SCARB2: variants seen among roughly 807,000 people sequenced by gnomAD.
The protein encoded by SCARB2 is lysosome membrane protein 2.
Under a neutral mutation model 58.6 loss-of-function variants are expected in SCARB2, and 29 were observed. That is an observed-to-expected ratio of 0.49 (90% CI 0.37 to 0.67). The LOEUF (loss-of-function observed/expected upper bound fraction) is 0.67, where lower values mean the gene tolerates loss of function less well. SCARB2 is among the 30% of genes least tolerant of loss of function. SCARB2 has a pLI of 0.00. For synonymous variants in SCARB2, 195 were observed against 210.1 expected (o/e 0.93, Z 0.62); for missense variants, 488 against 578.5 (o/e 0.84, Z 1.60).
intron 7 of SCARB2, among the ~76,000 whole-genome samples, chr4:76,171,975 T>G (rs35211143): frequency 0.027 from 4,083 of 149,254 alleles, 164 homozygotes; most frequent in African/African-American, 0.096. Flanking sequence ...TGAGTGTGTG[T>G]GCACACTTGC....
rs777931748 is a variant in SCARB2, at chr4:76,161,752, C to G, written c.1399-1G>C. Reference sequence around the variant, plus strand: ...GGGGTGCTCTTTCATCCGCTGTTCCCTGAAACACAGAAGAGAGAAAACAAG... The same window carrying G: ...GGGGTGCTCTTTCATCCGCTGTTCCGTGAAACACAGAAGAGAGAAAACAAG... On this transcript the variant is annotated splice_acceptor_variant, in intron 11 of 11. Transcript: ENST00000264896. LOFTEE classifies it high-confidence loss of function. The G allele has an allele frequency of 2.5e-6, 4 of 1,614,104 alleles. No homozygotes were observed. Among genetic ancestry groups the G allele is most frequent in the Non-Finnish European group, 3.4e-6 (4 of 1,180,020 alleles).
chr4:76,218,312 A>G (rs1418883934), upstream of SCARB2, among the ~76,000 whole-genome samples: 1 of 152,246 alleles, frequency 6.6e-6, no homozygotes, highest in Non-Finnish European at 1.5e-5. Context: ...CAGCCTCCAT[A>G]AGAAAAAATT....
chr4:76,172,401 G>A (rs1464197801), intron 7 of SCARB2, among the ~76,000 whole-genome samples: 1 of 151,932 alleles, frequency 6.6e-6, no homozygotes, highest in Non-Finnish European at 1.5e-5. Flanking sequence ...AACTATAGGT[G>A]TATGCTACTA....
chr4:76,222,227 C>CTT (rs1163710967), intron 1 of SCARB2, among the ~76,000 whole-genome samples: 8 of 143,982 alleles, frequency 5.6e-5, no homozygotes, highest in Non-Finnish European at 4.6e-5. Flanking sequence ...TTCCTATCTT[C>CTT]TTTTTTTTTT....
At chr4:76,187,681 C>T (rs1362394499) in intron 2 of SCARB2, among the ~76,000 whole-genome samples, 2 of 152,018 alleles carry the variant, frequency 1.3e-5, no homozygotes, top group East Asian at 3.9e-4. Flanking sequence ...GGAAAAATGG[C>T]CAAGAAGATA....
intron 4 of SCARB2, among the ~76,000 whole-genome samples, chr4:76,178,094 G>A (rs562392350): frequency 6.6e-6 from 1 of 152,278 alleles, no homozygotes; most frequent in East Asian, 1.9e-4. Flanking sequence ...AATTATACCA[G>A]AATAGCTACA....
chr4:76,210,026 A>G (rs1385452841), intron 1 of SCARB2, among the ~76,000 whole-genome samples: 1 of 152,224 alleles, frequency 6.6e-6, no homozygotes. Context: ...CTTAAAGGTC[A>G]TGGGATCTCA....
intron 1 of SCARB2, among the ~76,000 whole-genome samples, chr4:76,228,452 C>T (rs1163638654): frequency 1.3e-5 from 2 of 151,042 alleles, no homozygotes; most frequent in Non-Finnish European, 2.9e-5. Context: ...GCACTCCAGC[C>T]TGGGCGATGG....
chr4:76,220,728 T>C (rs540672253), intron 1 of SCARB2, among the ~76,000 whole-genome samples: 2 of 152,348 alleles, frequency 1.3e-5, no homozygotes, highest in Admixed American at 6.5e-5. Flanking sequence ...TCTTAGAATA[T>C]GATCTTTTTA....
At chr4:76,223,328 T>A (rs184445222) in intron 1 of SCARB2, among the ~76,000 whole-genome samples, 2 of 152,126 alleles carry the variant, frequency 1.3e-5, no homozygotes, top group Non-Finnish European at 2.9e-5. Flanking sequence ...TTCCAGTGAG[T>A]TTTGGGTAAT....
intron 1 of SCARB2, among the ~76,000 whole-genome samples, chr4:76,202,162 A>G (rs1008812944): frequency 3.0e-4 from 45 of 152,268 alleles, no homozygotes; most frequent in African/African-American, 9.9e-4. Context: ...AAAGTAGCAG[A>G]TAACATTACT....
chr4:76,200,663 A>G (rs1578736083), intron 1 of SCARB2, among the ~76,000 whole-genome samples: 1 of 152,326 alleles, frequency 6.6e-6, no homozygotes, highest in East Asian at 1.9e-4. Flanking sequence ...CAGCCTAACA[A>G]ACAGCTTATG....
chr4:76,221,781 G>A (rs890670208), intron 1 of SCARB2, among the ~76,000 whole-genome samples: 5 of 152,212 alleles, frequency 3.3e-5, no homozygotes, highest in Non-Finnish European at 7.3e-5. Context: ...GAGGAGTATA[G>A]GTTGAAAACC....
Position 76,167,478 on chromosome 4 carries a change from C to T in SCARB2, c.1187+925G>A, listed in dbSNP as rs1200598614. On this transcript the variant is annotated intron_variant, in intron 9 of 11. Coordinates refer to ENST00000264896, the MANE Select transcript of SCARB2 (RefSeq NM_005506.4). The stretch of plus-strand genomic sequence containing the variant: ...GGCACCTCCCCTCCTCTCTCTCTTG[C>T]TCCTGCTCACCCCATGTGACGTGCT... Among the ~76,000 whole-genome samples, 3 of 152,096 alleles carry T rather than the reference C, an allele frequency of 2.0e-5. No homozygotes were observed. The East Asian group carries it at 5.8e-4, about 29-fold the overall frequency.
intron 11 of SCARB2, 59 bp downstream of exon 11, chr4:76,163,166 G>A: frequency 6.2e-7 from 1 of 1,603,458 alleles, no homozygotes; most frequent in Non-Finnish European, 8.5e-7. Context: ...GTGAAGTACA[G>A]TTGAATTCCT....
rs747658673 is a variant in SCARB2, at chr4:76,181,112, GA to G, written c.276-12del. The G allele has an allele frequency of 3.1e-6, 5 of 1,612,426 alleles. No individual in the cohort carries two copies. Among genetic ancestry groups the G allele is most frequent in the South Asian group, 2.2e-5 (2 of 90,894 alleles). On this transcript the variant is annotated splice_polypyrimidine_tract_variant and intron_variant, in intron 2 of 11. Coordinates refer to ENST00000264896, the MANE Select transcript of SCARB2 (RefSeq NM_005506.4). ...TTGTTTCTGAGTTCCCTAAAAGAAA[GA>G]AAAGGGTTTTATTTGAAAATAGACA...
rs767908427 is a variant in SCARB2, at chr4:76,228,867, T to C, written c.-358+5436A>G. Among the ~76,000 whole-genome samples, 123 of 152,222 alleles carry C rather than the reference T, an allele frequency of 8.1e-4. 2 individuals are homozygous for C. Among genetic ancestry groups the C allele is most frequent in the Non-Finnish European group, 2.4e-4 (16 of 68,040 alleles). ...TTGTGATGAATTTCCTGGGTGTTCT[T>C]TGAGCTTCTTGTATTTGGATATCTA... On this transcript the variant is annotated intron_variant, in intron 1 of 11. Coordinates refer to the SCARB2 transcript ENST00000638295.
intron 2 of SCARB2, chr4:76,191,847 T>G (rs1398268606): frequency 6.7e-6 from 1 of 148,406 alleles, no homozygotes; most frequent in Non-Finnish European, 1.5e-5. Flanking sequence ...CTCGGCTCAC[T>G]GCAACCTCTG....
At position 76,213,484 on chromosome 4, in the gene SCARB2, G is replaced by C; in HGVS notation, c.60C>G (p.Ser20Arg). 6.2e-7 allele frequency: 1 copy of C among 1,611,060 alleles called. No homozygotes were observed. The highest frequency in any genetic ancestry group is 8.5e-7 in the Non-Finnish European group (1 of 1,178,764). ...GTLSLLLLVTSVTLLVARVFQ... is the reference protein window; with the variant it reads ...GTLSLLLLVTRVTLLVARVFQ... ...AGACCCGGGCCACCAGCAGCGTGAC[G>C]CTGGTCACCAGCAGGAGCAGGGACA... The change falls in exon 1 of 12, where the codon AGC becomes AGG. Residue 20 changes from serine (S) to arginine (R), a missense_variant. Physicochemically the swap from Ser to Arg is moderately radical, Grantham distance 110. Coordinates refer to ENST00000264896, the MANE Select transcript of SCARB2 (RefSeq NM_005506.4).
Sources: gnomAD v4.1 joint callset for allele counts (sites outside exome capture counted in the v4.1 genomes callset) on GRCh38, gnomAD v4.1.1 for gene constraint, MANE v1.5 for transcripts, NCBI Gene and HGNC (gene_info 2026-07-23, HGNC 2026-07-21) for gene names.